The following RNF144A variants were observed in gnomAD, a reference collection of about 807,000 sequenced individuals.
RNF144A encodes the protein ring finger protein 144A.
RNF144A carries 11 observed loss-of-function variants against 38.7 expected under a neutral mutation model. The observed-to-expected ratio is 0.28, with a 90% CI of 0.18 to 0.47. The LOEUF (loss-of-function observed/expected upper bound fraction) is 0.47. Among genes scored for constraint, RNF144A ranks in the 20% least tolerant of loss-of-function variants. The probability of loss-of-function intolerance (pLI) is 0.99; values close to 1 mark genes in which losing one functional copy is unlikely to be tolerated. For missense variants in RNF144A, 316 were observed against 377.2 expected (o/e 0.84, Z 1.34); for synonymous variants, 149 against 143.9 (o/e 1.04, Z -0.25).
At chr2:7,061,550 G>A (rs771192536) in intron 6 of RNF144A, among the ~76,000 whole-genome samples, 7 of 152,036 alleles carry the variant, frequency 4.6e-5, no homozygotes, top group Non-Finnish European at 7.4e-5. Context: ...CTTATTTCCC[G>A]TGTCTATCTG....
At chr2:7,033,826 T>C (rs373119509) in intron 8 of RNF144A, among the ~76,000 whole-genome samples, 1 of 152,218 alleles carries the variant, frequency 6.6e-6, no homozygotes, top group African/African-American at 2.4e-5. Flanking sequence ...TTGGCACTGG[T>C]CCTGTGCCTG....
In RNF144A at chr2:7,044,099, G is replaced by T. The variant is rs1332947896; in HGVS notation, c.*4339G>T. On this transcript the variant is annotated 3_prime_UTR_variant, in exon 9 of 9. Transcript: ENST00000320892. The stretch of plus-strand genomic sequence containing the variant: ...TCAATACATATTTTAAATGTATTGT[G>T]TCTTACGTAGTTTGTCCCCCCCTTT... 4 of 985,364 alleles carry T rather than the reference G, an allele frequency of 4.1e-6. No individual in the cohort carries two copies. Among genetic ancestry groups the T allele is most frequent in the South Asian group, 9.4e-5 (2 of 21,280 alleles). The allele number at this position is 985,364 out of a possible 1,614,324, so 61.0% of individuals were successfully genotyped here. A position where few individuals can be genotyped will look rare whatever the true frequency, so the allele number is the denominator to read the frequency against.
At position 7,040,634 on chromosome 2, in the gene RNF144A, CG is replaced by C. The variant is rs1672988021; in HGVS notation, c.*876del. The stretch of plus-strand genomic sequence containing the variant: ...TTGTATTCAATCCCACTGCTTTGCT[CG>C]GCAATGGTTCTCCTCCGAATTGCTG... On this transcript the variant is annotated 3_prime_UTR_variant, in exon 9 of 9. Coordinates refer to ENST00000320892, the MANE Select transcript of RNF144A (RefSeq NM_014746.6). The C allele has an allele frequency of 2.0e-6, 2 of 985,326 alleles. No individual in the cohort carries two copies. Among genetic ancestry groups the C allele is most frequent in the South Asian group, 4.7e-5 (1 of 21,296 alleles). The allele number at this position is 985,326 out of a possible 1,614,324, so 61.0% of individuals were successfully genotyped here.
intron 2 of RNF144A, among the ~76,000 whole-genome samples, chr2:6,947,736 C>T (rs1666429977): frequency 1.3e-5 from 2 of 152,160 alleles, no homozygotes; most frequent in South Asian, 4.2e-4. Flanking sequence ...AAGGGACAGC[C>T]TCTGCTGCAG....
At chr2:7,008,982 T>C (rs1216937130) in intron 3 of RNF144A, among the ~76,000 whole-genome samples, 1 of 152,178 alleles carries the variant, frequency 6.6e-6, no homozygotes, top group African/African-American at 2.4e-5. Context: ...CACAAAATCA[T>C]TCCGTCCACA....
chr2:6,922,798 G>C (rs1365653340), intron 1 of RNF144A, among the ~76,000 whole-genome samples: 2 of 152,066 alleles, frequency 1.3e-5, no homozygotes, highest in Non-Finnish European at 2.9e-5. Context: ...ATAATTGTTT[G>C]TATTTTTAGT....
At position 6,941,293 on chromosome 2, in the gene RNF144A, T is replaced by C. The variant is rs1006350393; in HGVS notation, c.-12+146T>C. On this transcript the variant is annotated intron_variant, in intron 2 of 8. Coordinates refer to ENST00000320892, the MANE Select transcript of RNF144A (RefSeq NM_014746.6). The surrounding 1 kb of genome is among the most constrained non-coding windows in gnomAD (Gnocchi z 6.5). ...AAGCCATACCATAAAGGCAATTTTC[T>C]AGTAGGTTTCCCCGGAATGAATTTT... The C allele has an allele frequency of 4.6e-5, 7 of 152,234 alleles. No individual in the cohort carries two copies. Among genetic ancestry groups the C allele is most frequent in the African/African-American group, 1.4e-4 (6 of 41,448 alleles). 9.4% of individuals were successfully genotyped at this position (152,234 alleles called of 1,614,324 possible). A position where few individuals can be genotyped will look rare whatever the true frequency, so the allele number is the denominator to read the frequency against.
At chr2:6,938,266 G>GA (rs1665729139) in intron 1 of RNF144A, among the ~76,000 whole-genome samples, 1 of 21,768 alleles carries the variant, frequency 4.6e-5, no homozygotes, top group Non-Finnish European at 8.3e-5. Flanking sequence ...TTTTTTTTTT[G>GA]GATGGAGTTT....
intron 3 of RNF144A, among the ~76,000 whole-genome samples, chr2:7,004,213 T>G (rs917392568): frequency 2.0e-5 from 3 of 152,238 alleles, no homozygotes; most frequent in African/African-American, 7.2e-5. Context: ...GAGGCCTCTT[T>G]TGCTTTCATC....
chr2:7,014,890 G>C lies in RNF144A; in HGVS notation c.301+118G>C, dbSNP rs114991113. The C allele has an allele frequency of 2.6e-3, 1,867 of 726,544 alleles. 38 individuals carry two copies. The African/African-American group carries it at 0.03, about 12-fold the overall frequency. 45.0% of individuals were successfully genotyped at this position (726,544 alleles called of 1,614,324 possible). On this transcript the variant is annotated intron_variant, in intron 5 of 8. Coordinates refer to ENST00000320892, the MANE Select transcript of RNF144A (RefSeq NM_014746.6). The stretch of plus-strand genomic sequence containing the variant: ...AGCATTTGATAGGAGTTAAAAAGTT[G>C]ATGTAAAATAAACTTCTGAAATTAA...
intron 1 of RNF144A, among the ~76,000 whole-genome samples, chr2:6,931,419 G>A (rs932165917): frequency 6.6e-6 from 1 of 152,228 alleles, no homozygotes; most frequent in Non-Finnish European, 1.5e-5. Flanking sequence ...ATTACCATTG[G>A]AATTACCCAG....
rs1670097497 is a variant in RNF144A, at chr2:7,001,469, G to A, written c.135+4408G>A. ...AGGTGGGAGGACTGTTTGAGCTCAG[G>A]AGTTTGAGACAATCCTGGGCAACAT... is the stretch of plus-strand genomic sequence containing the variant. On this transcript the variant is annotated intron_variant, in intron 3 of 8. Coordinates refer to ENST00000320892, the MANE Select transcript of RNF144A (RefSeq NM_014746.6). Among the ~76,000 whole-genome samples, 4 of 152,072 alleles carry A rather than the reference G, an allele frequency of 2.6e-5. No homozygotes were observed. In the South Asian group the frequency reaches 8.3e-4, roughly 32 times the overall value.
chr2:6,960,892 C>T (rs1667292172), intron 2 of RNF144A, among the ~76,000 whole-genome samples: 1 of 151,926 alleles, frequency 6.6e-6, no homozygotes, highest in African/African-American at 2.4e-5. Flanking sequence ...CTGGCATGCG[C>T]TTACTTTTGA....
intron 5 of RNF144A, among the ~76,000 whole-genome samples, chr2:7,016,399 A>G (rs1671140517): frequency 6.6e-6 from 1 of 152,192 alleles, no homozygotes; most frequent in Non-Finnish European, 1.5e-5. Context: ...GCGTTACAAG[A>G]ATATGAACTT....
intron 2 of RNF144A, among the ~76,000 whole-genome samples, chr2:6,980,222 C>G (rs1668548080): frequency 6.6e-6 from 1 of 152,168 alleles, no homozygotes; most frequent in South Asian, 2.1e-4. Flanking sequence ...GATATCGTGT[C>G]CTTTCCACAT....
At chr2:7,066,141 T>G (rs1280215888) in intron 6 of RNF144A, among the ~76,000 whole-genome samples, 10 of 152,050 alleles carry the variant, frequency 6.6e-5, no homozygotes, top group Admixed American at 5.2e-4. Context: ...AGGCTGGAGT[T>G]CAGTGGCCGG....
In RNF144A at chr2:7,044,127, C is replaced by A; in HGVS notation, c.*4367C>A. 2 of 985,708 alleles carry A rather than the reference C, an allele frequency of 2.0e-6. No individual in the cohort carries two copies. Among genetic ancestry groups the A allele is most frequent in the Non-Finnish European group, 2.4e-6 (2 of 829,892 alleles). 61.1% of individuals were successfully genotyped at this position (985,708 alleles called of 1,614,324 possible). On this transcript the variant is annotated 3_prime_UTR_variant, in exon 9 of 9. Transcript: ENST00000320892. ...TTACGTAGTTTGTCCCCCCCTTTAG[C>A]AGGGATTCCTTTTTAAAGCTATTTT...
intron 5 of RNF144A, among the ~76,000 whole-genome samples, chr2:7,016,217 A>G (rs1671129255): frequency 6.6e-6 from 1 of 151,864 alleles, no homozygotes; most frequent in Non-Finnish European, 1.5e-5. Context: ...TGTGTTTATT[A>G]AAGTGTCGTA....
Position 6,996,998 on chromosome 2 carries a change from T to G in RNF144A, c.72T>G (p.Leu24=). 1 of 1,614,192 alleles carries G rather than the reference T, an allele frequency of 6.2e-7. No individual in the cohort carries two copies. The highest frequency in any genetic ancestry group is 8.5e-7 in the Non-Finnish European group (1 of 1,179,996). ...LDPLVSCKLC[L]GEYPVEQMTT... ...CGCTGGTGTCTTGCAAGCTCTGTCT[T>G]GGGGAGTACCCAGTGGAGCAGATGA... The change falls in exon 3 of 9, where the codon CTT becomes CTG. Residue 24 remains leucine (L), a synonymous_variant. Coordinates refer to ENST00000320892, the MANE Select transcript of RNF144A (RefSeq NM_014746.6).
Sources: allele counts gnomAD v4.1 joint callset (sites outside exome capture counted in the v4.1 genomes callset), GRCh38; gene constraint gnomAD v4.1.1; non-coding constraint Gnocchi (gnomAD v3.1); transcripts MANE v1.5; gene names NCBI Gene and HGNC (gene_info 2026-07-23, HGNC 2026-07-21).